The following CPNE8 variants were observed in gnomAD, a reference collection of about 807,000 sequenced individuals.
The protein encoded by CPNE8 is copine-8.
In CPNE8, 45 loss-of-function variants were observed where a neutral mutation model predicts 81.5. The observed-to-expected ratio is 0.55, with a 90% CI of 0.44 to 0.71. The LOEUF is 0.71. CPNE8 is among the 30% of genes least tolerant of loss of function. The pLI is 0.00. For synonymous variants in CPNE8, 252 were observed against 226.3 expected (o/e 1.11, Z -1.02); for missense variants, 594 against 672.1 (o/e 0.88, Z 1.28).
chr12:38,733,553 T>C (rs1012637660), intron 10 of CPNE8, among the ~76,000 whole-genome samples: 2 of 151,698 alleles, frequency 1.3e-5, no homozygotes, highest in African/African-American at 2.4e-5. Context: ...CCTGTTAATA[T>C]AATTATAACT....
chr12:38,847,380 A>C (rs1943576756), intron 4 of CPNE8, among the ~76,000 whole-genome samples: 1 of 152,328 alleles, frequency 6.6e-6, no homozygotes, highest in East Asian at 1.9e-4. Flanking sequence ...ACCAAGGCCC[A>C]GAATAATGGG....
intron 4 of CPNE8, among the ~76,000 whole-genome samples, chr12:38,844,224 T>C (rs1229856377): frequency 6.6e-6 from 1 of 152,200 alleles, no homozygotes; most frequent in Non-Finnish European, 1.5e-5. Context: ...TATCCCTTTT[T>C]AGTGTTCCAA....
intron 6 of CPNE8, among the ~76,000 whole-genome samples, chr12:38,826,480 A>C (rs2137016244): frequency 6.6e-6 from 1 of 152,294 alleles, no homozygotes; most frequent in East Asian, 1.9e-4. Flanking sequence ...GCAAGAGCTA[A>C]GAAAAATCTA....
intron 1 of CPNE8, among the ~76,000 whole-genome samples, chr12:38,880,958 C>T (rs1403881695): frequency 6.6e-6 from 1 of 152,000 alleles, no homozygotes; most frequent in Non-Finnish European, 1.5e-5. Context: ...TGCCTGTAAT[C>T]CCAGCACTTT....
chr12:38,715,786 T>C (rs534241632), intron 13 of CPNE8, among the ~76,000 whole-genome samples: 2 of 152,202 alleles, frequency 1.3e-5, no homozygotes, highest in South Asian at 2.1e-4. Context: ...TTGGAAGTCC[T>C]ACCCAGCGCA....
intron 6 of CPNE8, among the ~76,000 whole-genome samples, chr12:38,823,051 C>T (rs186317660): frequency 1.3e-5 from 2 of 152,178 alleles, no homozygotes; most frequent in East Asian, 1.9e-4. Context: ...ATTCTCCTAT[C>T]CCTCTTCCTC....
intron 6 of CPNE8, among the ~76,000 whole-genome samples, chr12:38,816,747 T>A (rs1943030658): frequency 6.6e-6 from 1 of 152,208 alleles, no homozygotes; most frequent in African/African-American, 2.4e-5. Flanking sequence ...TTTGTGAATG[T>A]CCACTTACTA....
chr12:38,872,093 C>T (rs1416171129), intron 3 of CPNE8, among the ~76,000 whole-genome samples: 3 of 152,038 alleles, frequency 2.0e-5, no homozygotes, highest in Non-Finnish European at 4.4e-5. Context: ...CAAGATTGTG[C>T]CATAGCACTC....
chr12:38,731,362 T>G (rs1473725862), intron 10 of CPNE8, among the ~76,000 whole-genome samples: 1 of 151,918 alleles, frequency 6.6e-6, no homozygotes, highest in Non-Finnish European at 1.5e-5. Flanking sequence ...TTTATGGACC[T>G]TGCAATCAGT....
At chr12:38,658,887 C>G (rs1020719416) in intron 19 of CPNE8, among the ~76,000 whole-genome samples, 1 of 152,156 alleles carries the variant, frequency 6.6e-6, no homozygotes, top group Non-Finnish European at 1.5e-5. Context: ...CTTACAAGAG[C>G]TCCTGAAGGA....
intron 3 of CPNE8, among the ~76,000 whole-genome samples, chr12:38,871,416 G>C (rs1943989979): frequency 6.6e-6 from 1 of 152,148 alleles, no homozygotes; most frequent in South Asian, 2.1e-4. Context: ...TGGCATCTAT[G>C]GTCAGTAAGC....
At chr12:38,807,479 C>T (rs1406724086) in intron 6 of CPNE8, among the ~76,000 whole-genome samples, 1 of 151,450 alleles carries the variant, frequency 6.6e-6, no homozygotes, top group African/African-American at 2.4e-5. Context: ...TTTGACAAAC[C>T]TGAGAAAAAC....
intron 19 of CPNE8, among the ~76,000 whole-genome samples, chr12:38,666,598 A>G (rs960757260): frequency 6.6e-6 from 1 of 152,140 alleles, no homozygotes; most frequent in Non-Finnish European, 1.5e-5. Flanking sequence ...ATTCCAGGTA[A>G]ATGACAAGTG....
chr12:38,731,046 A>G (rs1276786883), intron 10 of CPNE8, among the ~76,000 whole-genome samples: 2 of 151,864 alleles, frequency 1.3e-5, no homozygotes, highest in Non-Finnish European at 2.9e-5. Flanking sequence ...GTGCAACTAC[A>G]AAAACATGCT....
Position 38,730,275 on chromosome 12 carries a change from C to T in CPNE8, c.798+8G>A, listed in dbSNP as rs757576361. ...AAAAAAACAATGGTAAAATAAAATG[C>T]CTCTTACCTCATATACGTTGAATTG... On this transcript the variant is annotated splice_region_variant and intron_variant, in intron 11 of 19. Coordinates refer to ENST00000331366, the MANE Select transcript of CPNE8 (RefSeq NM_153634.3). 7 of 1,497,812 alleles carry T rather than the reference C, an allele frequency of 4.7e-6. No individual in the cohort carries two copies. The highest frequency in any genetic ancestry group is 2.8e-5 in the African/African-American group (2 of 72,352). 92.8% of individuals were successfully genotyped at this position (1,497,812 alleles called of 1,614,324 possible). A position where few individuals can be genotyped will look rare whatever the true frequency, so the allele number is the denominator to read the frequency against.
rs1940237980 is a variant in CPNE8, at chr12:38,710,859, G to A, written c.915-7938C>T. ...TACATTTTAATATCACCGTACACTA[G>A]CAATTCTAAGCAATGTCCGTGATAA... On this transcript the variant is annotated intron_variant, in intron 13 of 19. Coordinates refer to ENST00000331366, the MANE Select transcript of CPNE8 (RefSeq NM_153634.3). Among the ~76,000 whole-genome samples the A allele has an allele frequency of 2.0e-5, 3 of 152,078 alleles. No homozygotes were observed. The South Asian group carries it at 6.2e-4, about 32-fold the overall frequency.
At chr12:38,831,668 A>T (rs1469674162) in intron 5 of CPNE8, among the ~76,000 whole-genome samples, 1 of 152,262 alleles carries the variant, frequency 6.6e-6, no homozygotes, top group East Asian at 1.9e-4. Context: ...AACACCTTTC[A>T]TAATGGCACT....
intron 1 of CPNE8, among the ~76,000 whole-genome samples, chr12:38,888,417 T>G (rs1400212575): frequency 6.6e-6 from 1 of 152,180 alleles, no homozygotes; most frequent in African/African-American, 2.4e-5. Flanking sequence ...TTGGCAAGGT[T>G]GGTTTTTTTC....
intron 13 of CPNE8, among the ~76,000 whole-genome samples, chr12:38,710,896 C>T (rs985802626): frequency 6.6e-6 from 1 of 152,186 alleles, no homozygotes; most frequent in African/African-American, 2.4e-5. Context: ...TTCTTTCCCA[C>T]TCTACTACCT....
Sources: allele counts gnomAD v4.1 joint callset (sites outside exome capture counted in the v4.1 genomes callset), GRCh38; gene constraint gnomAD v4.1.1; transcripts MANE v1.5; gene names NCBI Gene and HGNC (gene_info 2026-07-23, HGNC 2026-07-21).